The following ATP5PB variants were observed in gnomAD, a reference collection of about 807,000 sequenced individuals.
The protein encoded by ATP5PB is ATP synthase peripheral stalk-membrane subunit b, also known as ATP synthase peripheral stalk subunit b, mitochondrial.
In ATP5PB, 21 loss-of-function variants were observed where a neutral mutation model predicts 34.5. The ratio of observed to expected loss-of-function variants is 0.61; its 90% confidence interval spans 0.43 to 0.88. The LOEUF (loss-of-function observed/expected upper bound fraction) is 0.88. Among genes scored for constraint, ATP5PB ranks in the 40% least tolerant of loss-of-function variants. ATP5PB has a pLI of 0.00. For missense variants in ATP5PB, 293 were observed against 317.4 expected, an observed-to-expected ratio of 0.92 and a Z score of 0.58; for synonymous variants, 108 against 114.1, an observed-to-expected ratio of 0.95 and a Z score of 0.34.
chr1:111,449,820 G>A lies in ATP5PB; in HGVS notation c.41-17G>A. ...ATTTCATTTGACTTTGCTGACCTTC[G>A]CCTTGTCTATCTGCAGCCCCCTCTC... On this transcript the variant is annotated splice_polypyrimidine_tract_variant and intron_variant, in intron 1 of 6. Transcript: ENST00000369722. 6.2e-7 allele frequency: 1 copy of A among 1,614,176 alleles called. No individual in the cohort carries two copies. The highest frequency in any genetic ancestry group is 1.1e-5 in the South Asian group (1 of 91,080).
chr1:111,460,886 G>A, intron 6 of ATP5PB, 31 bp from the exon 7 acceptor site: 4 of 1,603,820 alleles, frequency 2.5e-6, no homozygotes, highest in Middle Eastern at 1.7e-4. Context: ...TTTTGGAAAG[G>A]TCTAACCAGA....
intron 2 of ATP5PB, among the ~76,000 whole-genome samples, chr1:111,451,187 G>A (rs1331112809): frequency 3.9e-5 from 6 of 152,074 alleles, no homozygotes; most frequent in African/African-American, 1.2e-4. Flanking sequence ...TAACCCAGAA[G>A]GTCCAACATG....
At position 111,449,556 on chromosome 1, in the gene ATP5PB, G is replaced by A. The variant is rs374607908; in HGVS notation, c.15G>A (p.Val5=). Residue 5 remains valine (V), a synonymous_variant, in exon 1 of 7, where the codon GTG becomes GTA. Coordinates refer to ENST00000369722, the MANE Select transcript of ATP5PB (RefSeq NM_001688.5). MLSR[V]VLSAAATAAP... is the part of the protein sequence containing the mutation. Reference sequence around the variant, plus strand: ...TTTCGTTGACCATGCTGTCCCGGGTGGTACTTTCCGCCGCCGCCACAGCGG... The same window carrying A: ...TTTCGTTGACCATGCTGTCCCGGGTAGTACTTTCCGCCGCCGCCACAGCGG... 1 of 1,610,976 alleles carries A rather than the reference G, an allele frequency of 6.2e-7. No homozygotes were observed. The highest frequency in any genetic ancestry group is 8.5e-7 in the Non-Finnish European group (1 of 1,178,310).
intron 2 of ATP5PB, among the ~76,000 whole-genome samples, chr1:111,453,235 T>C (rs972169263): frequency 2.6e-5 from 4 of 152,162 alleles, no homozygotes; most frequent in Non-Finnish European, 4.4e-5. Flanking sequence ...GTTAAAAGTG[T>C]AGTCTTAAGC....
At chr1:111,454,468 GTTT>G (rs145698455) in intron 3 of ATP5PB, 112 bp downstream of exon 3, 2 of 1,287,928 alleles carry the variant, frequency 1.6e-6, no homozygotes, top group African/African-American at 1.9e-5. Context: ...TGTTGTTGTT[GTTT>G]TTTGAGACAG....
chr1:111,453,913 T>G (rs560310062), intron 2 of ATP5PB, among the ~76,000 whole-genome samples: 1 of 152,344 alleles, frequency 6.6e-6, no homozygotes, highest in Non-Finnish European at 1.5e-5. Flanking sequence ...CACGTCCACA[T>G]TCTTACATAT....
rs2101762797 is a variant in ATP5PB, at chr1:111,462,338, A to T, written c.*1344A>T. On this transcript the variant is annotated 3_prime_UTR_variant, in exon 7 of 7. Transcript: ENST00000369722. ...GGACGTTATGCAGTTTTACAGGATG[A>T]GTTATGGAGCTGGATAGTGGTGATG... is the stretch of plus-strand genomic sequence containing the variant. 6.6e-6 allele frequency: 1 copy of T among 152,358 alleles called. No individual in the cohort carries two copies. Among genetic ancestry groups the T allele is most frequent in the African/African-American group, 2.4e-5 (1 of 41,568 alleles). The allele number at this position is 152,358 out of a possible 1,614,324, so 9.4% of individuals were successfully genotyped here. A position where few individuals can be genotyped will look rare whatever the true frequency, so the allele number is the denominator to read the frequency against.
Position 111,461,029 on chromosome 1 carries a change from T to G in ATP5PB, c.*35T>G. 1 of 1,575,926 alleles carries G rather than the reference T, an allele frequency of 6.3e-7. No individual in the cohort carries two copies. Among genetic ancestry groups the G allele is most frequent in the Non-Finnish European group, 8.7e-7 (1 of 1,148,462 alleles). On this transcript the variant is annotated 3_prime_UTR_variant, in exon 7 of 7. Transcript: ENST00000369722. ...TCCCAATTGAGACAGCTAGAAACAG[T>G]TGACTGACTAAATGGAAACTAGTCT...
In ATP5PB at chr1:111,452,257, T is replaced by A. The variant is rs77195251; in HGVS notation, c.78-1954T>A. Among the ~76,000 whole-genome samples, 1,052 of 152,228 alleles carry A rather than the reference T, an allele frequency of 6.9e-3. 4 individuals carry two copies. Among genetic ancestry groups the A allele is most frequent in the Non-Finnish European group, 0.011 (762 of 68,006 alleles). ...TGGCAGTAATGTGAGTGGGCTAGGTTTAAGTTGGGGTATTTAATAAGAAGC... is the reference window on the plus strand; with the variant it reads ...TGGCAGTAATGTGAGTGGGCTAGGTATAAGTTGGGGTATTTAATAAGAAGC... On this transcript the variant is annotated intron_variant, in intron 2 of 6. Transcript: ENST00000369722.
Position 111,449,666 on chromosome 1 carries a change from A to C in ATP5PB, c.40+85A>C, listed in dbSNP as rs889341326. The C allele has an allele frequency of 5.8e-6, 9 of 1,551,180 alleles. No homozygotes were observed. In the African/African-American group the frequency reaches 1.2e-4, roughly 21 times the overall value. ...GGTGACAGGGAGGGGAGAAGGGCGCAGCGACACGGGCCTGAGAGGCGAGTG... is the reference window on the plus strand; with the variant it reads ...GGTGACAGGGAGGGGAGAAGGGCGCCGCGACACGGGCCTGAGAGGCGAGTG... On this transcript the variant is annotated intron_variant, in intron 1 of 6. Coordinates refer to ENST00000369722, the MANE Select transcript of ATP5PB (RefSeq NM_001688.5).
At chr1:111,460,151 G>C (rs562951457) in intron 6 of ATP5PB, among the ~76,000 whole-genome samples, 1 of 152,082 alleles carries the variant, frequency 6.6e-6, no homozygotes, top group South Asian at 2.1e-4. Flanking sequence ...GTGAGAGAGC[G>C]AGACCCTGCC....
chr1:111,450,465 A>G (rs1282509506), intron 2 of ATP5PB, among the ~76,000 whole-genome samples: 1 of 152,228 alleles, frequency 6.6e-6, no homozygotes. Context: ...CAGCCAGTAC[A>G]GGGTCCCTGG....
At chr1:111,460,118 T>G (rs1156360996) in intron 6 of ATP5PB, among the ~76,000 whole-genome samples, 1 of 152,186 alleles carries the variant, frequency 6.6e-6, no homozygotes, top group Non-Finnish European at 1.5e-5. Flanking sequence ...GAGCTGTGAT[T>G]GCAGTATTGC....
intron 2 of ATP5PB, among the ~76,000 whole-genome samples, chr1:111,453,909 C>T (rs934158185): frequency 6.6e-6 from 1 of 152,214 alleles, no homozygotes; most frequent in African/African-American, 2.4e-5. Flanking sequence ...CCGCCACGTC[C>T]ACATTCTTAC....
Position 111,459,618 on chromosome 1 carries a change from A to C in ATP5PB, c.675A>C (p.Gln225His). 6.2e-7 allele frequency: 1 copy of C among 1,613,904 alleles called. No homozygotes were observed. Among genetic ancestry groups the C allele is most frequent in the South Asian group, 1.1e-5 (1 of 91,064 alleles). ...ATTGGGTGGAGAAGCACGTGGTGCA[A>C]AGCATCTCCACACAGCAGGTACACA... Reference protein sequence around the residue: ...MINWVEKHVVQSISTQQEKET... With the variant: ...MINWVEKHVVHSISTQQEKET... The change falls in exon 6 of 7, where the codon CAA (glutamine) becomes CAC (histidine). Residue 225 changes from glutamine (Q) to histidine (H), a missense_variant. Coordinates refer to ENST00000369722, the MANE Select transcript of ATP5PB (RefSeq NM_001688.5).
intron 5 of ATP5PB, among the ~76,000 whole-genome samples, chr1:111,457,952 A>G (rs1454139952): frequency 2.0e-5 from 3 of 152,260 alleles, no homozygotes; most frequent in African/African-American, 4.8e-5. Context: ...TGGAAAATGT[A>G]GCTTTTTCCT....
Position 111,461,265 on chromosome 1 carries a change from A to G in ATP5PB, c.*271A>G, listed in dbSNP as rs992863107. 3.7e-6 allele frequency: 1 copy of G among 270,768 alleles called. No homozygotes were observed. Among genetic ancestry groups the G allele is most frequent in the East Asian group, 7.4e-5 (1 of 13,558 alleles). The allele number at this position is 270,768 out of a possible 1,614,324, so 16.8% of individuals were successfully genotyped here. Reference sequence around the variant, plus strand: ...AAAACTTGCTGCCTGACTAAAGATTAACAGGTTATAGTTTAAATTTGTAAT... The same window carrying G: ...AAAACTTGCTGCCTGACTAAAGATTGACAGGTTATAGTTTAAATTTGTAAT... On this transcript the variant is annotated 3_prime_UTR_variant, in exon 7 of 7. Transcript: ENST00000369722.
chr1:111,453,036 A>C (rs2101755618), intron 2 of ATP5PB, among the ~76,000 whole-genome samples: 1 of 152,340 alleles, frequency 6.6e-6, no homozygotes, highest in South Asian at 2.1e-4. Flanking sequence ...TAAGCATTGT[A>C]CCAAAATAAA....
chr1:111,455,833 A>G (rs1233258069), intron 3 of ATP5PB, among the ~76,000 whole-genome samples: 1 of 152,222 alleles, frequency 6.6e-6, no homozygotes, highest in Non-Finnish European at 1.5e-5. Flanking sequence ...CATTTTACAA[A>G]TAAGGAACTA....
Sources: allele counts gnomAD v4.1 joint callset (sites outside exome capture counted in the v4.1 genomes callset), GRCh38; gene constraint gnomAD v4.1.1; transcripts MANE v1.5; gene names NCBI Gene and HGNC (gene_info 2026-07-23, HGNC 2026-07-21).